The following SPMIP7 variants were observed in gnomAD, a reference collection of about 807,000 sequenced individuals.
SPMIP7 encodes protein SPMIP7.
chr7:50,106,139 C>G, the SPMIP7 span, among the ~76,000 whole-genome samples: 1 of 152,094 alleles, frequency 6.6e-6, no homozygotes. Context: ...AATGGCAAAA[C>G]AACTGGATTA....
chr7:50,117,248 C>T, the SPMIP7 span: 3 of 456,086 alleles, frequency 6.6e-6, no homozygotes, highest in South Asian at 4.7e-5. Context: ...ATTAGGAGTA[C>T]TTACCCAAAA....
At chr7:50,105,569 G>A in the SPMIP7 span, among the ~76,000 whole-genome samples, 2 of 152,086 alleles carry the variant, frequency 1.3e-5, no homozygotes, top group Non-Finnish European at 2.9e-5. Context: ...TATGGTACCT[G>A]GCCATGAAAC....
chr7:50,158,593 T>C, the SPMIP7 span, among the ~76,000 whole-genome samples: 1 of 152,082 alleles, frequency 6.6e-6, no homozygotes, highest in Non-Finnish European at 1.5e-5. Flanking sequence ...GTCACCCATG[T>C]CTTCTCCAGG....
At chr7:50,096,516 G>T in the SPMIP7 span, 32 of 1,551,612 alleles carry the variant, frequency 2.1e-5, no homozygotes, top group Non-Finnish European at 2.6e-5. Context: ...CGAGTTCCCA[G>T]ACCAGACACA....
At chr7:50,134,424 C>T in the SPMIP7 span, among the ~76,000 whole-genome samples, 1 of 151,836 alleles carries the variant, frequency 6.6e-6, no homozygotes, top group Non-Finnish European at 1.5e-5. Flanking sequence ...TTGAAATTTC[C>T]GTAATCGTGC....
At chr7:50,157,908 A>G in the SPMIP7 span, among the ~76,000 whole-genome samples, 1 of 151,830 alleles carries the variant, frequency 6.6e-6, no homozygotes, top group Non-Finnish European at 1.5e-5. Flanking sequence ...TTTAAAAAAA[A>G]TTATTTTAAT....
chr7:50,156,211 T>A, the SPMIP7 span, among the ~76,000 whole-genome samples: 1 of 152,184 alleles, frequency 6.6e-6, no homozygotes, highest in Non-Finnish European at 1.5e-5. Flanking sequence ...GCTCTTCACA[T>A]CAAAAAGTAT....
the SPMIP7 span, among the ~76,000 whole-genome samples, chr7:50,149,050 C>G: frequency 0.27 from 41,474 of 151,908 alleles, 7,187 homozygotes; most frequent in Non-Finnish European, 0.4. Context: ...GAGGCTGAGG[C>G]AGGAGAACCA....
At chr7:50,139,922 A>C in the SPMIP7 span, among the ~76,000 whole-genome samples, 2 of 152,252 alleles carry the variant, frequency 1.3e-5, no homozygotes, top group Non-Finnish European at 2.9e-5. Flanking sequence ...GAAAGCAGCC[A>C]GACCCAAAAA....
chr7:50,144,739 T>C, the SPMIP7 span, among the ~76,000 whole-genome samples: 2 of 152,192 alleles, frequency 1.3e-5, no homozygotes, highest in African/African-American at 2.4e-5. Flanking sequence ...TCCTAACTTA[T>C]TATAACTTGA....
chr7:50,151,909 C>A, the SPMIP7 span, among the ~76,000 whole-genome samples: 1 of 152,208 alleles, frequency 6.6e-6, no homozygotes, highest in Non-Finnish European at 1.5e-5. Context: ...GCACACACAT[C>A]ACCCTTCTGC....
chr7:50,149,922 C>T, the SPMIP7 span, among the ~76,000 whole-genome samples: 3 of 152,230 alleles, frequency 2.0e-5, no homozygotes, highest in South Asian at 2.1e-4. Context: ...GGTATCACTA[C>T]CCGGGGTCAG....
At chr7:50,097,680 T>C in the SPMIP7 span, among the ~76,000 whole-genome samples, 5 of 61,018 alleles carry the variant, frequency 8.2e-5, no homozygotes, top group African/African-American at 3.0e-4. Flanking sequence ...GGTCATTTTA[T>C]GTTAAAAAAA....
the SPMIP7 span, among the ~76,000 whole-genome samples, chr7:50,152,146 G>A: frequency 6.6e-6 from 1 of 152,178 alleles, no homozygotes; most frequent in Non-Finnish European, 1.5e-5. Context: ...TCAGGAGTTC[G>A]AGACTAGCCT....
chr7:50,126,469 A>T, the SPMIP7 span, among the ~76,000 whole-genome samples: 2 of 151,994 alleles, frequency 1.3e-5, no homozygotes, highest in Admixed American at 1.3e-4. Context: ...CTAGGAAACA[A>T]CCACCAATCT....
the SPMIP7 span, among the ~76,000 whole-genome samples, chr7:50,108,436 T>G: frequency 1.3e-5 from 2 of 152,144 alleles, no homozygotes; most frequent in Non-Finnish European, 2.9e-5. Context: ...GATGCTATAT[T>G]AGAGAAAAAT....
the SPMIP7 span, among the ~76,000 whole-genome samples, chr7:50,108,197 C>G: frequency 6.6e-6 from 1 of 152,054 alleles, no homozygotes; most frequent in South Asian, 2.1e-4. Flanking sequence ...TATCAAAGAG[C>G]AAATTTAGTC....
At chr7:50,140,524 T>A in the SPMIP7 span, among the ~76,000 whole-genome samples, 1 of 152,236 alleles carries the variant, frequency 6.6e-6, no homozygotes, top group African/African-American at 2.4e-5. Context: ...ACTGTTATAA[T>A]TGCAGAAGGG....
chr7:50,115,030 CAAA>C, the SPMIP7 span, among the ~76,000 whole-genome samples: 18 of 113,690 alleles, frequency 1.6e-4, no homozygotes, highest in Admixed American at 7.3e-4. Flanking sequence ...ATTCTGTCTC[CAAA>C]AAAAAAAAAA....
Sources: gnomAD v4.1 joint callset for allele counts (sites outside exome capture counted in the v4.1 genomes callset) on GRCh38, gnomAD v4.1.1 for gene constraint, MANE v1.5 for transcripts, NCBI Gene and HGNC (gene_info 2026-07-23, HGNC 2026-07-21) for gene names.